SLC6A14: variants seen among roughly 807,000 people sequenced by gnomAD.
SLC6A14 encodes the protein solute carrier family 6 member 14, also known as sodium- and chloride-dependent neutral and basic amino acid transporter B(0+).
A neutral mutation model predicts 51.4 loss-of-function variants in SLC6A14; 21 were observed. That is an observed-to-expected ratio of 0.41 (90% CI 0.29 to 0.59). The LOEUF is 0.59. SLC6A14 is among the 20% of genes least tolerant of loss of function. The probability of loss-of-function intolerance (pLI) is 0.31; values close to 1 mark genes in which losing one functional copy is unlikely to be tolerated. For synonymous variants in SLC6A14, 177 were observed against 160.7 expected, an observed-to-expected ratio of 1.10 and a Z score of -0.77; for missense variants, 371 against 472.8, an observed-to-expected ratio of 0.78 and a Z score of 2.00.
chrX:116,451,604 AT>A lies in SLC6A14; in HGVS notation c.1099del (p.Ser367LeufsTer18). 8.3e-7 allele frequency: 1 copy of A among 1,209,784 alleles called. No homozygotes were observed. The highest frequency in any genetic ancestry group is 1.1e-6 in the Non-Finnish European group (1 of 894,539). On this transcript the variant is annotated frameshift_variant, in exon 8 of 14. Coordinates refer to ENST00000598581, the MANE Select transcript of SLC6A14 (RefSeq NM_007231.5). LOFTEE classifies it high-confidence loss of function. ...CLTSVFAGFA[I>X]FSILGHMAHI... ...CACTAGCGTGTTTGCTGGATTTGCT[AT>A]TTTTTCTATATTGGGACACATGGCC...
chrX:116,450,838 C>T (rs2147389337), intron 7 of SLC6A14, among the ~76,000 whole-genome samples: 1 of 111,569 alleles, frequency 9.0e-6, no homozygotes, highest in East Asian at 2.8e-4. Context: ...ACTTGGGAGG[C>T]TGAGGCACAA....
Position 116,437,884 on chromosome X carries a change from C to A in SLC6A14, c.143C>A (p.Ser48Tyr). 1 of 1,207,295 alleles carries A rather than the reference C, an allele frequency of 8.3e-7. No homozygotes were observed. The stretch of plus-strand genomic sequence containing the variant: ...TCCAAAAAATCGGATTATCTTCTAT[C>A]TATGATTGGATACGCAGTGGGATTA... ...NWSKKSDYLL[S>Y]MIGYAVGLGN... is the part of the protein sequence containing the mutation. The change falls in exon 2 of 14, where the codon TCT becomes TAT. Residue 48 changes from serine (S) to tyrosine (Y), a missense_variant. Physicochemically the swap from Ser to Tyr is moderately radical, Grantham distance 144. Transcript: ENST00000598581.
Position 116,459,533 on chromosome X carries a change from C to G in SLC6A14, c.*578C>G, listed in dbSNP as rs190181553. 1 of 111,749 alleles carries G rather than the reference C, an allele frequency of 8.9e-6. No individual in the cohort carries two copies. The highest frequency in any genetic ancestry group is 1.9e-5 in the Non-Finnish European group (1 of 53,032). The allele number at this position is 111,749 out of a possible 1,213,427, so 9.2% of individuals were successfully genotyped here. A position where few individuals can be genotyped will look rare whatever the true frequency, so the allele number is the denominator to read the frequency against. ...GTTTAAAAACTTCGTGCATTTGTTA[C>G]AGCTCATGTTTTCTATATGAACTTA... On this transcript the variant is annotated 3_prime_UTR_variant, in exon 14 of 14. Coordinates refer to ENST00000598581, the MANE Select transcript of SLC6A14 (RefSeq NM_007231.5).
intron 3 of SLC6A14, among the ~76,000 whole-genome samples, chrX:116,441,783 A>G (rs1351154004): frequency 1.8e-5 from 2 of 111,902 alleles, no homozygotes; most frequent in African/African-American, 6.5e-5. Context: ...CAGCACGCTA[A>G]ACTGCATTTT....
chrX:116,458,801 C>T lies in SLC6A14; in HGVS notation c.1783-8C>T, dbSNP rs1556694951. On this transcript the variant is annotated splice_polypyrimidine_tract_variant and splice_region_variant and intron_variant, in intron 13 of 13. Transcript: ENST00000598581. ...CTAAGACAATGATTTTTTGTTCTTG[C>T]ATTTCAGCGCCTTATAAGTTGCTGC... 2 of 1,155,256 alleles carry T rather than the reference C, an allele frequency of 1.7e-6. No homozygotes were observed. Among genetic ancestry groups the T allele is most frequent in the Admixed American group, 2.8e-5 (1 of 36,040 alleles).
intron 6 of SLC6A14, among the ~76,000 whole-genome samples, chrX:116,446,039 A>T (rs1280932783): frequency 9.6e-6 from 1 of 103,990 alleles, no homozygotes; most frequent in African/African-American, 3.4e-5. Flanking sequence ...TACCCAGGCG[A>T]TTAATTTTTA....
chrX:116,445,903 A>G (rs781800152), intron 6 of SLC6A14, among the ~76,000 whole-genome samples: 16 of 111,415 alleles, frequency 1.4e-4, no homozygotes, highest in Non-Finnish European at 2.3e-4. Flanking sequence ...ACATGCTGTT[A>G]CATCACAAAA....
chrX:116,438,101 G>A lies in SLC6A14; in HGVS notation c.214+146G>A, dbSNP rs1927519922. 5 of 455,207 alleles carry A rather than the reference G, an allele frequency of 1.1e-5. No homozygotes were observed. The South Asian group carries it at 2.1e-4, about 19-fold the overall frequency. The allele number at this position is 455,207 out of a possible 1,213,427, so 37.5% of individuals were successfully genotyped here. ...GGGTTAGTGGGAGAATGAGAAACAA[G>A]CATATTGAATTTATTATTAGTCTGG... On this transcript the variant is annotated intron_variant, in intron 2 of 13. Coordinates refer to ENST00000598581, the MANE Select transcript of SLC6A14 (RefSeq NM_007231.5).
intron 6 of SLC6A14, 50 bp downstream of exon 6, chrX:116,445,100 T>C (rs782565359): frequency 4.6e-6 from 5 of 1,098,642 alleles, no homozygotes; most frequent in Non-Finnish European, 6.0e-6. Flanking sequence ...TCCAATTTCA[T>C]GGTAGTTCAA....
rs971317988 is a variant in SLC6A14, at chrX:116,459,524, C to T, written c.*569C>T. ...CCCAAATATGTTTAAAAACTTCGTG[C>T]ATTTGTTACAGCTCATGTTTTCTAT... On this transcript the variant is annotated 3_prime_UTR_variant, in exon 14 of 14. Coordinates refer to ENST00000598581, the MANE Select transcript of SLC6A14 (RefSeq NM_007231.5). 1 of 111,524 alleles carries T rather than the reference C, an allele frequency of 9.0e-6. No homozygotes were observed. 9.2% of individuals were successfully genotyped at this position (111,524 alleles called of 1,213,427 possible). A position where few individuals can be genotyped will look rare whatever the true frequency, so the allele number is the denominator to read the frequency against.
intron 7 of SLC6A14, among the ~76,000 whole-genome samples, chrX:116,449,399 T>C (rs1176980349): frequency 3.6e-5 from 4 of 111,496 alleles, no homozygotes; most frequent in African/African-American, 1.3e-4. Context: ...GCTCCCCCTG[T>C]CACACAGGCA....
chrX:116,454,866 G>T (rs1461216412), intron 10 of SLC6A14, 111 bp from the exon 11 acceptor site: 1 of 537,485 alleles, frequency 1.9e-6, no homozygotes, highest in Non-Finnish European at 3.0e-6. Context: ...TTAGCAGAAG[G>T]GAAACTAAGG....
intron 8 of SLC6A14, among the ~76,000 whole-genome samples, chrX:116,451,882 G>A (rs1432701060): frequency 8.9e-6 from 1 of 111,784 alleles, no homozygotes; most frequent in African/African-American, 3.2e-5. Context: ...AAATATTGCT[G>A]AAGAAGATAG....
At chrX:116,450,034 G>A (rs1405534638) in intron 7 of SLC6A14, among the ~76,000 whole-genome samples, 12 of 111,430 alleles carry the variant, frequency 1.1e-4, no homozygotes, top group African/African-American at 3.9e-4. Flanking sequence ...GGCAAAACTT[G>A]AATTCCTTTA....
chrX:116,443,320 G>T (rs1354368856), intron 4 of SLC6A14, among the ~76,000 whole-genome samples: 1 of 111,374 alleles, frequency 9.0e-6, no homozygotes, highest in Non-Finnish European at 1.9e-5. Flanking sequence ...TATATACATA[G>T]GTTGGATAGG....
intron 7 of SLC6A14, among the ~76,000 whole-genome samples, chrX:116,447,210 G>A (rs1239763822): frequency 3.6e-5 from 4 of 111,789 alleles, no homozygotes; most frequent in Admixed American, 9.5e-5. Context: ...GCAAGTTGAT[G>A]ATTGGGGCTA....
intron 9 of SLC6A14, 53 bp from the exon 10 acceptor site, chrX:116,454,271 A>G (rs1927880140): frequency 2.9e-6 from 2 of 693,209 alleles, no homozygotes; most frequent in East Asian, 3.3e-5. Flanking sequence ...TCTGTGATTA[A>G]CAGTATTGGC....
intron 8 of SLC6A14, among the ~76,000 whole-genome samples, chrX:116,452,262 T>A (rs1361346601): frequency 1.8e-5 from 2 of 111,542 alleles, no homozygotes; most frequent in African/African-American, 3.3e-5. Flanking sequence ...ATCTTGTAGA[T>A]TATCTAGTGT....
Position 116,442,848 on chromosome X carries a change from G to C in SLC6A14, c.508G>C (p.Val170Leu), listed in dbSNP as rs1203787651. ...SDKNCSRSPI[V>L]THCNVSTVNK... ...TAAAAACTGTAGCAGATCACCAATA[G>C]GTAAAATTTGTCAACACCCAAATAG... Residue 170 changes from valine (V) to leucine (L), a missense_variant and splice_region_variant, in exon 4 of 14, where the codon GTA becomes CTA. Val to Leu is a conservative substitution (Grantham distance 32). Around this residue, in one of 2 missense-constraint regions of SLC6A14, gnomAD observed 277 missense variants for 391.8 expected, o/e 0.71. Transcript: ENST00000598581. The C allele has an allele frequency of 8.6e-7, 1 of 1,159,686 alleles. No homozygotes were observed. The highest frequency in any genetic ancestry group is 1.1e-6 in the Non-Finnish European group (1 of 871,378).
Sources: gnomAD v4.1 joint callset for allele counts (sites outside exome capture counted in the v4.1 genomes callset) on GRCh38, gnomAD v4.1.1 for gene constraint, gnomAD v4.1.1 regional missense constraint, MANE v1.5 for transcripts, NCBI Gene and HGNC (gene_info 2026-07-23, HGNC 2026-07-21) for gene names.